Variants in SLCO2B1 observed in about 807,000 individuals in gnomAD.
SLCO2B1 encodes the protein OATP-RP2.
Under a neutral mutation model 67.3 loss-of-function variants are expected in SLCO2B1, and 41 were observed. That is an observed-to-expected ratio of 0.61 (90% confidence interval 0.47 to 0.79). The LOEUF (loss-of-function observed/expected upper bound fraction) is 0.79. SLCO2B1 is among the 30% of genes least tolerant of loss of function. The probability of loss-of-function intolerance (pLI) is 0.00; values close to 1 mark genes in which losing one functional copy is unlikely to be tolerated. For missense variants in SLCO2B1, 837 were observed against 920.1 expected (o/e 0.91, Z 1.17); for synonymous variants, 379 against 381.4 (o/e 0.99, Z 0.07).
intron 1 of SLCO2B1, among the ~76,000 whole-genome samples, chr11:75,162,130 A>G (rs2140305832): frequency 6.6e-6 from 1 of 152,120 alleles, no homozygotes. Flanking sequence ...AGGGGTTGAA[A>G]TCTACTCCAA....
intron 11 of SLCO2B1, chr11:75,202,082 A>G (rs1380028487): frequency 6.6e-6 from 1 of 152,286 alleles, no homozygotes; most frequent in Admixed American, 6.5e-5. Context: ...AAGACCAAAT[A>G]CACATCTCAC....
At chr11:75,200,426 G>C (rs910360148) in intron 11 of SLCO2B1, 39 bp downstream of exon 11, 26 of 1,542,214 alleles carry the variant, frequency 1.7e-5, no homozygotes, top group Non-Finnish European at 2.2e-5. Context: ...TGGATACCAG[G>C]AGGTCCTTAA....
intron 9 of SLCO2B1, 132 bp from the exon 10 acceptor site, chr11:75,196,382 C>A: frequency 1.1e-6 from 1 of 900,030 alleles, no homozygotes; most frequent in Non-Finnish European, 1.7e-6. Flanking sequence ...TCGGGCAGCC[C>A]TGATGATGAA....
intron 8 of SLCO2B1, among the ~76,000 whole-genome samples, chr11:75,192,057 G>A (rs1727968413): frequency 6.6e-6 from 1 of 151,974 alleles, no homozygotes; most frequent in South Asian, 2.1e-4. Context: ...GCCCCTCCTG[G>A]GCCCCTACTC....
Position 75,193,247 on chromosome 11 carries a change from C to A in SLCO2B1, c.1105C>A (p.Arg369Ser). Residue 369 changes from arginine (R) to serine (S), a missense_variant, in exon 9 of 14, where the codon CGC (arginine) becomes AGC (serine). Arg to Ser is a moderately radical substitution (Grantham distance 110). Transcript: ENST00000289575. The surrounding 1 kb of genome is among the most constrained non-coding windows in gnomAD (Gnocchi z 4.2). Reference sequence around the variant, plus strand: ...CCCCAGGGTGCTGCTGCAGACCCTACGCCACCCCATCTTCCTGCTGGTGGT... The same window carrying A: ...CCCCAGGGTGCTGCTGCAGACCCTAAGCCACCCCATCTTCCTGCTGGTGGT... ...VFPRVLLQTLRHPIFLLVVLS... is the reference protein window; with the variant it reads ...VFPRVLLQTLSHPIFLLVVLS... 6 of 1,613,030 alleles carry A rather than the reference C, an allele frequency of 3.7e-6. No homozygotes were observed. Among genetic ancestry groups the A allele is most frequent in the Non-Finnish European group, 5.1e-6 (6 of 1,179,770 alleles).
intron 4 of SLCO2B1, 125 bp from the exon 5 acceptor site, chr11:75,169,048 C>G: frequency 1.3e-6 from 1 of 746,952 alleles, no homozygotes; most frequent in Non-Finnish European, 2.1e-6. Context: ...AGCACTCACC[C>G]TTGAGGTTTG....
intron 1 of SLCO2B1, among the ~76,000 whole-genome samples, chr11:75,158,796 T>C (rs1425943284): frequency 6.6e-6 from 1 of 152,200 alleles, no homozygotes; most frequent in African/African-American, 2.4e-5. Context: ...GTCTGAGGCC[T>C]TAAAGCCTAT....
In SLCO2B1 at chr11:75,176,004, A is replaced by G. The variant is rs990103303; in HGVS notation, c.972+3435A>G. Among the ~76,000 whole-genome samples the G allele has an allele frequency of 2.0e-5, 3 of 152,236 alleles. No homozygotes were observed. In the East Asian group the frequency reaches 5.8e-4, roughly 29 times the overall value. ...TCTGTCCCTGTATCTGCGGCCTCAG[A>G]GCTCAGGTGCTACCAAGAGACCCTC... is the stretch of plus-strand genomic sequence containing the variant. On this transcript the variant is annotated intron_variant, in intron 7 of 13. Coordinates refer to ENST00000289575, the MANE Select transcript of SLCO2B1 (RefSeq NM_007256.5).
intron 5 of SLCO2B1, 125 bp downstream of exon 5, chr11:75,169,531 C>A: frequency 8.4e-7 from 1 of 1,190,754 alleles, no homozygotes; most frequent in Non-Finnish European, 1.2e-6. Flanking sequence ...CAGTAAAGGT[C>A]CAGGGAAGCC....
At chr11:75,180,006 A>C (rs79056064) in intron 7 of SLCO2B1, among the ~76,000 whole-genome samples, 2 of 143,774 alleles carry the variant, frequency 1.4e-5, no homozygotes, top group Admixed American at 7.0e-5. Flanking sequence ...TCCCTCTCTT[A>C]GTTATTTTTA....
chr11:75,156,736 G>T (rs1249887632), intron 1 of SLCO2B1, among the ~76,000 whole-genome samples: 1 of 152,220 alleles, frequency 6.6e-6, no homozygotes, highest in East Asian at 1.9e-4. Flanking sequence ...AGCCCCGAGG[G>T]CTGCTTATTG....
intron 10 of SLCO2B1, among the ~76,000 whole-genome samples, chr11:75,197,823 A>C (rs527306558): frequency 6.6e-6 from 1 of 152,324 alleles, no homozygotes; most frequent in East Asian, 1.9e-4. Context: ...AAGGCAATGT[A>C]ATCAGCAGCA....
At position 75,193,111 on chromosome 11, in the gene SLCO2B1, C is replaced by G. The variant is rs930224831; in HGVS notation, c.1076-107C>G. 2.7e-6 allele frequency: 2 copies of G among 750,368 alleles called. No individual in the cohort carries two copies. Among genetic ancestry groups the G allele is most frequent in the African/African-American group, 1.7e-5 (1 of 57,248 alleles). The allele number at this position is 750,368 out of a possible 1,614,324, so 46.5% of individuals were successfully genotyped here. ...TGCAATAGAATTAAGTGGAATGGGG[C>G]GGGTTAGAAGAAATGGAACTGCTTG... On this transcript the variant is annotated intron_variant, in intron 8 of 13. Transcript: ENST00000289575. The surrounding 1 kb of genome is among the most constrained non-coding windows in gnomAD (Gnocchi z 4.2).
chr11:75,169,217 ACCTCGGCCCCAG>A lies in SLCO2B1; in HGVS notation c.504_515del (p.Ala169_Pro172del), dbSNP rs781561268. The stretch of plus-strand genomic sequence containing the variant: ...CAAGGCTTCCCTGTGCCTGCCCACA[ACCTCGGCCCCAG>A]CCTCGGCCCCCTCCAATGGCAACTG... On this transcript the variant is annotated inframe_deletion, in exon 5 of 14. Coordinates refer to ENST00000289575, the MANE Select transcript of SLCO2B1 (RefSeq NM_007256.5). The A allele has an allele frequency of 1.9e-6, 3 of 1,614,014 alleles. No homozygotes were observed. The Admixed American group carries it at 5.0e-5, about 27-fold the overall frequency.
chr11:75,170,934 G>A (rs530037891), intron 6 of SLCO2B1, among the ~76,000 whole-genome samples: 35 of 152,286 alleles, frequency 2.3e-4, no homozygotes, highest in African/African-American at 6.3e-4. Flanking sequence ...TCTGTGGACC[G>A]ACCTGCCACC....
rs769103938 is a variant in SLCO2B1 at position 75,193,432 on chromosome 11, C to G, written c.1290C>G (p.Val430=). 3.7e-6 allele frequency: 6 copies of G among 1,613,800 alleles called. No homozygotes were observed. In the East Asian group the frequency reaches 1.3e-4, roughly 36 times the overall value. The stretch of plus-strand genomic sequence containing the variant: ...TCGTGGGCATCGTGGTGGGTGGCGT[C>G]CTGGTCAAGCGGCTCCACCTGGGCC... The part of the protein sequence containing the change: ...SVIVGIVVGG[V]LVKRLHLGPV... Residue 430 remains valine (V), a synonymous_variant, in exon 9 of 14, where the codon GTC becomes GTG. Coordinates refer to ENST00000289575, the MANE Select transcript of SLCO2B1 (RefSeq NM_007256.5). The surrounding 1 kb of genome is among the most constrained non-coding windows in gnomAD (Gnocchi z 4.2).
At position 75,200,267 on chromosome 11, in the gene SLCO2B1, T is replaced by C. The variant is rs1436070836; in HGVS notation, c.1643T>C (p.Val548Ala). ...NCSCVVEGNP[V>A]LAGSCDSTCS... The stretch of plus-strand genomic sequence containing the variant: ...AGCTGCGTGGTGGAGGGCAACCCCG[T>C]GCTGGCAGGATCCTGCGACTCAACG... The change falls in exon 11 of 14, where the codon GTG (valine) becomes GCG (alanine). Residue 548 changes from valine to alanine, a missense_variant. Transcript: ENST00000289575. 3 of 1,613,790 alleles carry C rather than the reference T, an allele frequency of 1.9e-6. No individual in the cohort carries two copies. Among genetic ancestry groups the C allele is most frequent in the African/African-American group, 1.3e-5 (1 of 74,940 alleles).
At chr11:75,196,127 C>T (rs1945093615) in intron 9 of SLCO2B1, 1 of 188,958 alleles carries the variant, frequency 5.3e-6, no homozygotes, top group Admixed American at 5.9e-5. Context: ...GATCGGGTCC[C>T]ACACTCATAG....
In SLCO2B1 at chr11:75,193,112, G is replaced by A. The variant is rs544418063; in HGVS notation, c.1076-106G>A. The stretch of plus-strand genomic sequence containing the variant: ...GCAATAGAATTAAGTGGAATGGGGC[G>A]GGTTAGAAGAAATGGAACTGCTTGA... On this transcript the variant is annotated intron_variant, in intron 8 of 13. Coordinates refer to ENST00000289575, the MANE Select transcript of SLCO2B1 (RefSeq NM_007256.5). This position sits in a 1 kb window ranked among gnomAD's most constrained non-coding sequence, Gnocchi z 4.2. The A allele has an allele frequency of 4.0e-4, 303 of 755,666 alleles. No homozygotes were observed. The highest frequency in any genetic ancestry group is 5.4e-4 in the Non-Finnish European group (248 of 459,268). The allele number at this position is 755,666 out of a possible 1,614,324, so 46.8% of individuals were successfully genotyped here. A position where few individuals can be genotyped will look rare whatever the true frequency, so the allele number is the denominator to read the frequency against.
Sources: allele counts gnomAD v4.1 joint callset (sites outside exome capture counted in the v4.1 genomes callset), GRCh38; gene constraint gnomAD v4.1.1; non-coding constraint Gnocchi (gnomAD v3.1); transcripts MANE v1.5; gene names NCBI Gene and HGNC (gene_info 2026-07-23, HGNC 2026-07-21).